TENM4: variants seen among roughly 807,000 people sequenced by gnomAD.
TENM4 encodes the protein teneurin transmembrane protein 4.
TENM4 carries 82 observed loss-of-function variants against 243.3 expected under a neutral mutation model. The observed-to-expected ratio is 0.34, with a 90% CI of 0.28 to 0.40. The LOEUF (loss-of-function observed/expected upper bound fraction) is 0.40, where lower values mean the gene tolerates loss of function less well. Ranked by LOEUF, TENM4 falls within the 10% of genes least tolerant of loss-of-function variation. The pLI, the probability that TENM4 is intolerant of heterozygous loss-of-function variation, is 1.00. For missense variants in TENM4, 3,138 were observed against 3,673.3 expected (o/e 0.85, Z 3.77); for synonymous variants, 1,412 against 1,456.3 (o/e 0.97, Z 0.69).
In TENM4 at chr11:78,744,281, A is replaced by G. The variant is rs528606791; in HGVS notation, c.2757-5711T>C. Among the ~76,000 whole-genome samples the G allele has an allele frequency of 2.6e-4, 40 of 152,294 alleles. 1 individual carries two copies. The highest frequency in any genetic ancestry group is 7.2e-4 in the African/African-American group (30 of 41,572). The stretch of plus-strand genomic sequence containing the variant: ...TGTAGCTCTCTCTTCCTAGTTTTCC[A>G]TCTGACGCTCTACCTCAGTTTCTTG... On this transcript the variant is annotated intron_variant, in intron 19 of 33. Coordinates refer to ENST00000278550, the MANE Select transcript of TENM4 (RefSeq NM_001098816.3).
intron 6 of TENM4, among the ~76,000 whole-genome samples, chr11:78,968,999 T>C (rs1010912450): frequency 7.2e-5 from 11 of 152,204 alleles, no homozygotes; most frequent in African/African-American, 2.4e-4. Flanking sequence ...TTACTTCTCT[T>C]AGTGTTAATT....
At chr11:78,980,667 A>G in intron 6 of TENM4, among the ~76,000 whole-genome samples, 1 of 152,308 alleles carries the variant, frequency 6.6e-6, no homozygotes, top group East Asian at 1.9e-4. Context: ...TCCTCGCTCC[A>G]CCACTTAGTA....
intron 5 of TENM4, chr11:79,068,095 C>CT (rs1860311454): frequency 6.6e-6 from 1 of 152,264 alleles, no homozygotes; most frequent in African/African-American, 2.4e-5. Context: ...TCACTGAGCT[C>CT]TGTCACTTAC....
At chr11:78,753,351 C>G (rs1856233192) in intron 19 of TENM4, among the ~76,000 whole-genome samples, 1 of 152,194 alleles carries the variant, frequency 6.6e-6, no homozygotes, top group African/African-American at 2.4e-5. Context: ...AGGTCACACA[C>G]AGCTAGTGGG....
At chr11:79,222,414 C>T (rs936972850) in intron 2 of TENM4, among the ~76,000 whole-genome samples, 3 of 152,048 alleles carry the variant, frequency 2.0e-5, no homozygotes, top group African/African-American at 7.3e-5. Context: ...CATTGATGGG[C>T]ATTTGGGTTG....
intron 10 of TENM4, among the ~76,000 whole-genome samples, chr11:78,859,612 T>C (rs1263214075): frequency 6.6e-6 from 1 of 152,278 alleles, no homozygotes; most frequent in South Asian, 2.1e-4. Flanking sequence ...TCTACCTATA[T>C]AGATTCTAAA....
intron 3 of TENM4, among the ~76,000 whole-genome samples, chr11:79,211,716 T>C (rs1227699068): frequency 2.6e-5 from 4 of 152,238 alleles, no homozygotes; most frequent in Non-Finnish European, 5.9e-5. Context: ...TTTAAATAAG[T>C]GATAAATGAC....
chr11:79,101,845 G>T (rs527719303), intron 4 of TENM4, among the ~76,000 whole-genome samples: 1 of 152,306 alleles, frequency 6.6e-6, no homozygotes, highest in South Asian at 2.1e-4. Context: ...TCCTGGAACA[G>T]AATCAAGTTT....
At chr11:78,672,009 T>C (rs765230891) in intron 31 of TENM4, 24 bp downstream of exon 31, 1 of 1,599,210 alleles carries the variant, frequency 6.3e-7, no homozygotes, top group Non-Finnish European at 8.5e-7. Flanking sequence ...GCAAGGCCAG[T>C]GATGCAGGGA....
chr11:79,409,105 CGCGCGCGCGTGCGT>C (rs1858640414), intron 1 of TENM4, among the ~76,000 whole-genome samples: 1 of 77,812 alleles, frequency 1.3e-5, no homozygotes, highest in South Asian at 4.4e-4. Flanking sequence ...TGTGTGTGCG[CGCGCGCGCGTGCGT>C]GCACGCGCAC....
chr11:78,726,039 C>T (rs1855503264), intron 23 of TENM4, 40 bp downstream of exon 23: 2 of 1,609,590 alleles, frequency 1.2e-6, no homozygotes, highest in Non-Finnish European at 1.7e-6. Flanking sequence ...GACAAGGTTC[C>T]ACCCCAGCCT....
intron 1 of TENM4, among the ~76,000 whole-genome samples, chr11:79,336,825 T>G (rs1318015992): frequency 6.6e-6 from 1 of 152,218 alleles, no homozygotes. Flanking sequence ...TGCTGGTCAG[T>G]GGCCCAGGAG....
At chr11:79,224,703 C>A (rs1000162587) in intron 2 of TENM4, among the ~76,000 whole-genome samples, 3 of 152,166 alleles carry the variant, frequency 2.0e-5, no homozygotes, top group Non-Finnish European at 4.4e-5. Context: ...GTAATCCCAA[C>A]ACTTTGGGAG....
chr11:78,715,728 C>T (rs1333157980), intron 25 of TENM4, among the ~76,000 whole-genome samples: 1 of 152,150 alleles, frequency 6.6e-6, no homozygotes, highest in Non-Finnish European at 1.5e-5. Context: ...TGACTAAGTC[C>T]CTGCTCGGCT....
intron 6 of TENM4, among the ~76,000 whole-genome samples, chr11:78,949,720 T>A (rs553493809): frequency 6.6e-6 from 1 of 151,988 alleles, no homozygotes; most frequent in South Asian, 2.1e-4. Context: ...CCAGGTGAAG[T>A]TGGAACTGAA....
intron 4 of TENM4, among the ~76,000 whole-genome samples, chr11:79,085,390 G>GAAAAA (rs1437598399): frequency 5.9e-4 from 73 of 122,800 alleles, no homozygotes; most frequent in South Asian, 8.4e-4. Context: ...AAAAAAAAAG[G>GAAAAA]GGGGTTTTTT....
chr11:78,809,429 T>C (rs668121), intron 14 of TENM4, among the ~76,000 whole-genome samples: 117,375 of 152,168 alleles, frequency 0.77, 45,949 homozygotes, highest in Middle Eastern at 0.82. Context: ...GACACTGTCC[T>C]TGTGCTCTAC....
At chr11:78,994,031 T>A (rs78451067) in intron 6 of TENM4, among the ~76,000 whole-genome samples, 4,318 of 152,340 alleles carry the variant, frequency 0.028, 91 homozygotes, top group Non-Finnish European at 0.043. Flanking sequence ...CAGATTAGTA[T>A]GATCATTTCA....
At chr11:79,267,520 C>T (rs1431957778) in intron 2 of TENM4, among the ~76,000 whole-genome samples, 1 of 152,204 alleles carries the variant, frequency 6.6e-6, no homozygotes, top group African/African-American at 2.4e-5. Flanking sequence ...GAGTCAGACA[C>T]ACCTGGCTTT....
Sources: allele counts gnomAD v4.1 joint callset (sites outside exome capture counted in the v4.1 genomes callset), GRCh38; gene constraint gnomAD v4.1.1; transcripts MANE v1.5; gene names NCBI Gene and HGNC (gene_info 2026-07-23, HGNC 2026-07-21).